FN3KRP: variants seen among roughly 807,000 people sequenced by gnomAD.
FN3KRP encodes ketosamine-3-kinase.
Under a neutral mutation model 29.8 loss-of-function variants are expected in FN3KRP, and 33 were observed. The observed-to-expected ratio is 1.11, with a 90% confidence interval of 0.84 to 1.48. The LOEUF (loss-of-function observed/expected upper bound fraction) is 1.48. Ranked by LOEUF, FN3KRP falls within the 40% of genes most tolerant of loss-of-function variation. FN3KRP has a pLI of 0.00. For synonymous variants in FN3KRP, 157 were observed against 155.2 expected (o/e 1.01, Z -0.09); for missense variants, 430 against 402.6 (o/e 1.07, Z -0.58).
In FN3KRP at chr17:82,727,441, T is replaced by C; in HGVS notation, c.*270T>C. 2.9e-6 allele frequency: 1 copy of C among 340,856 alleles called. No homozygotes were observed. The highest frequency in any genetic ancestry group is 6.2e-5 in the South Asian group (1 of 16,130). 21.1% of individuals were successfully genotyped at this position (340,856 alleles called of 1,614,324 possible). A position where few individuals can be genotyped will look rare whatever the true frequency, so the allele number is the denominator to read the frequency against. On this transcript the variant is annotated 3_prime_UTR_variant, in exon 6 of 6. Transcript: ENST00000269373. ...GGGTGACTCTGAGCCTCACTGCTGC[T>C]GCAAGGTGGGGAAACTGTAAGTGAA...
chr17:82,723,577 G>A lies in FN3KRP; in HGVS notation c.468+691G>A, dbSNP rs143546394. ...TGCGCATATGTGTATGTGTGTGCATGTGTGTGCATATGTGTGCATGTGTAT... is the reference window on the plus strand; with the variant it reads ...TGCGCATATGTGTATGTGTGTGCATATGTGTGCATATGTGTGCATGTGTAT... On this transcript the variant is annotated intron_variant, in intron 4 of 5. Coordinates refer to ENST00000269373, the MANE Select transcript of FN3KRP (RefSeq NM_024619.4). Among the ~76,000 whole-genome samples the A allele has an allele frequency of 7.4e-4, 111 of 150,580 alleles. 1 individual carries two copies. The highest frequency in any genetic ancestry group is 4.4e-3 in the East Asian group (23 of 5,172).
rs370105891 is a variant in FN3KRP at position 82,718,137 on chromosome 17, CTG to C, written c.142-767_142-766del. 1.6e-3 allele frequency among the ~76,000 whole-genome samples: 217 copies of C among 139,640 alleles called. 1 individual carries two copies. The highest frequency in any genetic ancestry group is 5.6e-3 in the African/African-American group (207 of 36,838). The allele number at this position is 139,640 out of a possible 152,430, so 91.6% of individuals were successfully genotyped here. A position where few individuals can be genotyped will look rare whatever the true frequency, so the allele number is the denominator to read the frequency against. On this transcript the variant is annotated intron_variant, in intron 1 of 5. Transcript: ENST00000269373. ...GTCGTATGTTGTGTGTGTTGTGTGT[CTG>C]TATGTGTTGTGTGTGTGTTGTGTGT...
chr17:82,721,729 C>G (rs946040410), intron 3 of FN3KRP, among the ~76,000 whole-genome samples: 1 of 151,908 alleles, frequency 6.6e-6, no homozygotes, highest in Non-Finnish European at 1.5e-5. Context: ...GTCTCGACTT[C>G]CTGACCTCGT....
chr17:82,722,756 C>T (rs761843187), intron 3 of FN3KRP, 48 bp from the exon 4 acceptor site: 46 of 1,588,352 alleles, frequency 2.9e-5, no homozygotes, highest in Non-Finnish European at 4.0e-5. Flanking sequence ...AGAGTGGGCG[C>T]TGGGATCCCT....
rs1282174729 is a variant in FN3KRP, at chr17:82,716,805, C to G, written c.50C>G (p.Thr17Arg). 1.3e-6 allele frequency: 2 copies of G among 1,550,686 alleles called. No individual in the cohort carries two copies. Among genetic ancestry groups the G allele is most frequent in the African/African-American group, 1.4e-5 (1 of 69,946 alleles). Residue 17 changes from threonine (T) to arginine (R), a missense_variant, in exon 1 of 6, where the codon ACG (threonine) becomes AGG (arginine). Transcript: ENST00000269373. ...RELGCSSVRA[T>R]GHSGGGCISQ... ...CTGGGCTGCAGCTCTGTCAGGGCCACGGGCCACTCGGGGGGCGGGTGCATC... is the reference window on the plus strand; with the variant it reads ...CTGGGCTGCAGCTCTGTCAGGGCCAGGGGCCACTCGGGGGGCGGGTGCATC...
intron 1 of FN3KRP, 118 bp downstream of exon 1, chr17:82,717,014 G>A: frequency 8.0e-7 from 1 of 1,251,276 alleles, no homozygotes; most frequent in Non-Finnish European, 1.1e-6. Context: ...GCTCTCCCGG[G>A]ACTGCCGCCG....
intron 4 of FN3KRP, among the ~76,000 whole-genome samples, chr17:82,723,600 T>G (rs555634068): frequency 1.9e-4 from 29 of 151,914 alleles, no homozygotes; most frequent in Admixed American, 1.6e-3. Context: ...TGTGCATGTG[T>G]ATGTGCACGC....
At position 82,716,853 on chromosome 17, in the gene FN3KRP, C is replaced by T. The variant is rs1028045197; in HGVS notation, c.98C>T (p.Thr33Met). 5 of 1,562,364 alleles carry T rather than the reference C, an allele frequency of 3.2e-6. No individual in the cohort carries two copies. The highest frequency in any genetic ancestry group is 4.3e-6 in the Non-Finnish European group (5 of 1,158,968). Reference sequence around the variant, plus strand: ...ATCAGCCAGGGCCGGAGCTACGACACGGATCAAGGACGAGTGTTCGTGAAA... The same window carrying T: ...ATCAGCCAGGGCCGGAGCTACGACATGGATCAAGGACGAGTGTTCGTGAAA... Reference protein sequence around the residue: ...GCISQGRSYDTDQGRVFVKVN... With the variant: ...GCISQGRSYDMDQGRVFVKVN... The change falls in exon 1 of 6, where the codon ACG becomes ATG. Residue 33 changes from threonine (T) to methionine (M), a missense_variant. By Grantham distance (81) the Thr-to-Met change is moderately conservative. Transcript: ENST00000269373.
chr17:82,726,427 TC>T, intron 4 of FN3KRP, 52 bp from the exon 5 acceptor site: 2 of 1,585,626 alleles, frequency 1.3e-6, no homozygotes, highest in East Asian at 4.5e-5. Flanking sequence ...AGCTGAGCTC[TC>T]CCTTGGTTCT....
intron 1 of FN3KRP, 30 bp downstream of exon 1, chr17:82,716,926 A>G: frequency 6.4e-7 from 1 of 1,558,802 alleles, no homozygotes; most frequent in Non-Finnish European, 8.6e-7. Flanking sequence ...GGGCCGGGGG[A>G]CCGGTTTCTT....
intron 4 of FN3KRP, among the ~76,000 whole-genome samples, chr17:82,724,395 A>G (rs1014190213): frequency 2.6e-5 from 4 of 151,906 alleles, no homozygotes; most frequent in Non-Finnish European, 4.4e-5. Flanking sequence ...CACGTGAGGT[A>G]GAGTTTGAGA....
chr17:82,717,108 A>C (rs2046761788), intron 1 of FN3KRP, among the ~76,000 whole-genome samples: 1 of 151,070 alleles, frequency 6.6e-6, no homozygotes, highest in Non-Finnish European at 1.5e-5. Context: ...AGGAGTTTGC[A>C]CCTGCGGGGA....
chr17:82,726,608 T>C lies in FN3KRP; in HGVS notation c.591+6T>C. On this transcript the variant is annotated splice_donor_region_variant and intron_variant, in intron 5 of 5. Coordinates refer to ENST00000269373, the MANE Select transcript of FN3KRP (RefSeq NM_024619.4). Reference sequence around the variant, plus strand: ...AGCTTTGGTCTGCTCTGCAGGTGAGTGGGGCCCCACTGCATGCCCAGCACC... The same window carrying C: ...AGCTTTGGTCTGCTCTGCAGGTGAGCGGGGCCCCACTGCATGCCCAGCACC... The C allele has an allele frequency of 1.9e-6, 3 of 1,608,826 alleles. No homozygotes were observed. Among genetic ancestry groups the C allele is most frequent in the Non-Finnish European group, 2.5e-6 (3 of 1,177,552 alleles).
rs1598336712 is a variant in FN3KRP at position 82,727,309 on chromosome 17, C to T, written c.*138C>T. The T allele has an allele frequency of 1.3e-6, 1 of 779,832 alleles. No homozygotes were observed. The highest frequency in any genetic ancestry group is 2.6e-5 in the East Asian group (1 of 37,980). 48.3% of individuals were successfully genotyped at this position (779,832 alleles called of 1,614,324 possible). Reference sequence around the variant, plus strand: ...CCAAGCCTTGCAAAGTATATAATATCTAAGAGGAAAGGTTTTGTCATCCCA... The same window carrying T: ...CCAAGCCTTGCAAAGTATATAATATTTAAGAGGAAAGGTTTTGTCATCCCA... On this transcript the variant is annotated 3_prime_UTR_variant, in exon 6 of 6. Coordinates refer to ENST00000269373, the MANE Select transcript of FN3KRP (RefSeq NM_024619.4).
At chr17:82,726,339 C>T in intron 4 of FN3KRP, 141 bp from the exon 5 acceptor site, 5 of 986,268 alleles carry the variant, frequency 5.1e-6, no homozygotes, top group Non-Finnish European at 7.6e-6. Flanking sequence ...GATGTGGTTC[C>T]CCCCTCAGGC....
At chr17:82,719,178 T>A in intron 2 of FN3KRP, 121 bp downstream of exon 2, 1 of 933,072 alleles carries the variant, frequency 1.1e-6, no homozygotes, top group Non-Finnish European at 1.6e-6. Context: ...TGAGCAGGTG[T>A]GTGTTCACAC....
chr17:82,718,835 A>G (rs2046777613), intron 1 of FN3KRP, 71 bp from the exon 2 acceptor site: 6 of 1,536,110 alleles, frequency 3.9e-6, no homozygotes. Flanking sequence ...AGAGGAAAAC[A>G]TATCTACAGA....
At chr17:82,726,717 G>C in intron 5 of FN3KRP, 115 bp downstream of exon 5, 1 of 1,508,324 alleles carries the variant, frequency 6.6e-7, no homozygotes, top group South Asian at 1.3e-5. Context: ...GTGGGAAGCG[G>C]GTGCCTGGTG....
chr17:82,719,854 C>A lies in FN3KRP; in HGVS notation c.294-418C>A, dbSNP rs75422088. ...CCCCCTCTTGCTTCACCAGAACCTA[C>A]TTTCTGTCCTCAAAATGTCCGACCT... On this transcript the variant is annotated intron_variant, in intron 2 of 5. Transcript: ENST00000269373. 4.6e-4 allele frequency among the ~76,000 whole-genome samples: 70 copies of A among 152,248 alleles called. 1 individual carries two copies. The East Asian group carries it at 9.3e-3, about 20-fold the overall frequency.
Sources: gnomAD v4.1 joint callset for allele counts (sites outside exome capture counted in the v4.1 genomes callset) on GRCh38, gnomAD v4.1.1 for gene constraint, MANE v1.5 for transcripts, NCBI Gene and HGNC (gene_info 2026-07-23, HGNC 2026-07-21) for gene names.